Variants in PTPRG observed in about 807,000 individuals in gnomAD.
PTPRG encodes protein tyrosine phosphatase receptor type G.
In PTPRG, 102 loss-of-function variants were observed where a neutral mutation model predicts 165.3. The ratio of observed to expected loss-of-function variants is 0.62; its 90% CI spans 0.53 to 0.73. The LOEUF (loss-of-function observed/expected upper bound fraction) is 0.73. Among genes scored for constraint, PTPRG ranks in the 30% least tolerant of loss-of-function variants. The pLI is 0.00. For missense variants in PTPRG, 1,866 were observed against 1,861.4 expected (o/e 1.00, Z -0.05); for synonymous variants, 675 against 669.5 (o/e 1.01, Z -0.13).
intron 1 of PTPRG, among the ~76,000 whole-genome samples, chr3:61,714,412 A>G (rs1219959387): frequency 6.6e-6 from 1 of 152,226 alleles, no homozygotes; most frequent in South Asian, 2.1e-4. Context: ...TTCCTCCCTG[A>G]TAGCTGGAAT....
rs749817659 is a variant in PTPRG at position 61,752,785 on chromosome 3, C to CAAAAAAA, written c.190+3813_190+3819dup. Among the ~76,000 whole-genome samples, 117 of 69,908 alleles carry CAAAAAAA rather than the reference C, an allele frequency of 1.7e-3. 1 individual carries two copies. The highest frequency in any genetic ancestry group is 6.1e-3 in the South Asian group (8 of 1,302). The allele number at this position is 69,908 out of a possible 152,430, so 45.9% of individuals were successfully genotyped here. A position where few individuals can be genotyped will look rare whatever the true frequency, so the allele number is the denominator to read the frequency against. Reference sequence around the variant, plus strand: ...CCTGGGTGATAGAGCAAGACTGTCTCAAAAAAAAAAAAAAAAGAAAAAAAA... The same window carrying CAAAAAAA: ...CCTGGGTGATAGAGCAAGACTGTCTCAAAAAAAAAAAAAAAAAAAAAAAGAAAAAAAA... On this transcript the variant is annotated intron_variant, in intron 2 of 29. Transcript: ENST00000474889.
chr3:62,157,133 A>T lies in PTPRG; in HGVS notation c.749A>T (p.Tyr250Phe). 1 of 1,613,052 alleles carries T rather than the reference A, an allele frequency of 6.2e-7. No homozygotes were observed. The highest frequency in any genetic ancestry group is 2.2e-5 in the East Asian group (1 of 44,862). ...DLLPASLGSY[Y>F]RYTGSLTTPP... ...CTGCCTGCATCCCTGGGCAGCTATT[A>T]TCGGTACACAGGTTCCTTGACCACA... Residue 250 changes from tyrosine to phenylalanine, a missense_variant, in exon 7 of 30, where the codon TAT becomes TTT. Transcript: ENST00000474889.
At chr3:61,667,816 C>T (rs533577228) in intron 1 of PTPRG, among the ~76,000 whole-genome samples, 214 of 151,080 alleles carry the variant, frequency 1.4e-3, no homozygotes, top group African/African-American at 5.0e-3. Context: ...AAAAGTCAGT[C>T]TGGCTACTAG....
At chr3:61,969,316 G>A (rs1180060710) in intron 2 of PTPRG, among the ~76,000 whole-genome samples, 1 of 152,114 alleles carries the variant, frequency 6.6e-6, no homozygotes, top group Non-Finnish European at 1.5e-5. Context: ...TGTAAGGTCT[G>A]GGGTAGAGGG....
At chr3:61,728,282 TTAAAA>T (rs1172353173) in intron 1 of PTPRG, among the ~76,000 whole-genome samples, 6 of 152,258 alleles carry the variant, frequency 3.9e-5, no homozygotes, top group South Asian at 2.1e-4. Context: ...GAGTAAAGTG[TTAAAA>T]TAAAGGATTT....
intron 2 of PTPRG, among the ~76,000 whole-genome samples, chr3:61,807,246 A>T (rs2035445126): frequency 6.6e-6 from 1 of 152,226 alleles, no homozygotes; most frequent in Non-Finnish European, 1.5e-5. Flanking sequence ...AAAGATTGAT[A>T]AGAAAGGATT....
intron 1 of PTPRG, among the ~76,000 whole-genome samples, chr3:61,631,363 T>A (rs1701770837): frequency 6.6e-6 from 1 of 152,216 alleles, no homozygotes; most frequent in South Asian, 2.1e-4. Context: ...GTGAATATAG[T>A]ATGATAGTAT....
At position 62,210,972 on chromosome 3, in the gene PTPRG, C is replaced by G; in HGVS notation, c.2155+7022C>G. ...ATTTCTGACTATTCAGGGATTAGCACCCCTAATGCCTATGTTGTTGGTGGG... is the reference window on the plus strand; with the variant it reads ...ATTTCTGACTATTCAGGGATTAGCAGCCCTAATGCCTATGTTGTTGGTGGG... On this transcript the variant is annotated intron_variant, in intron 12 of 29. Coordinates refer to ENST00000474889, the MANE Select transcript of PTPRG (RefSeq NM_002841.4). This position sits in a 1 kb window ranked among gnomAD's most constrained non-coding sequence, Gnocchi z 4.1. Among the ~76,000 whole-genome samples, 1 of 152,124 alleles carries G rather than the reference C, an allele frequency of 6.6e-6. No homozygotes were observed. Among genetic ancestry groups the G allele is most frequent in the South Asian group, 2.1e-4 (1 of 4,824 alleles).
chr3:61,947,852 A>G (rs2039801242), intron 2 of PTPRG, among the ~76,000 whole-genome samples: 1 of 152,200 alleles, frequency 6.6e-6, no homozygotes, highest in Non-Finnish European at 1.5e-5. Context: ...GCCAAGTGTG[A>G]ATGTCTGCCT....
chr3:62,070,814 T>C (rs1701184236), intron 4 of PTPRG, among the ~76,000 whole-genome samples: 1 of 152,156 alleles, frequency 6.6e-6, no homozygotes, highest in African/African-American at 2.4e-5. Context: ...CACCTGTTTC[T>C]TGTCCACCAC....
intron 2 of PTPRG, among the ~76,000 whole-genome samples, chr3:61,755,302 C>T (rs568443105): frequency 2.0e-5 from 3 of 152,244 alleles, no homozygotes; most frequent in African/African-American, 7.2e-5. Context: ...GCCACTGCGC[C>T]CAGCCCTAAT....
intron 2 of PTPRG, among the ~76,000 whole-genome samples, chr3:61,934,209 G>A (rs139453345): frequency 6.6e-6 from 1 of 152,262 alleles, no homozygotes; most frequent in East Asian, 1.9e-4. Context: ...ATAGAGATGT[G>A]TATATATTTT....
chr3:61,954,171 G>A (rs746178344), intron 2 of PTPRG, among the ~76,000 whole-genome samples: 8 of 152,014 alleles, frequency 5.3e-5, no homozygotes, highest in Non-Finnish European at 1.2e-4. Context: ...CCAACTTCCC[G>A]CCTCCACCAA....
chr3:62,135,045 G>A (rs1285662545), intron 6 of PTPRG, among the ~76,000 whole-genome samples: 1 of 152,110 alleles, frequency 6.6e-6, no homozygotes, highest in Non-Finnish European at 1.5e-5. Context: ...GGCTGAGGTG[G>A]GTGAATCACT....
intron 5 of PTPRG, among the ~76,000 whole-genome samples, chr3:62,087,974 T>C (rs1191149638): frequency 6.6e-6 from 1 of 152,232 alleles, no homozygotes; most frequent in Non-Finnish European, 1.5e-5. Context: ...CTCCCTTTTA[T>C]AAAAAGGCTA....
chr3:61,641,075 T>G (rs1702046366), intron 1 of PTPRG, among the ~76,000 whole-genome samples: 1 of 152,202 alleles, frequency 6.6e-6, no homozygotes, highest in Admixed American at 6.5e-5. Context: ...GAGGCATATT[T>G]ACAGAGAATA....
intron 5 of PTPRG, among the ~76,000 whole-genome samples, chr3:62,115,339 T>TA (rs991093579): frequency 1.3e-5 from 2 of 152,210 alleles, no homozygotes; most frequent in African/African-American, 4.8e-5. Context: ...TTGGGTGATT[T>TA]AAAGAGTGTT....
chr3:61,635,324 A>G (rs960108731), intron 1 of PTPRG, among the ~76,000 whole-genome samples: 1 of 148,924 alleles, frequency 6.7e-6, no homozygotes, highest in African/African-American at 2.4e-5. Context: ...ATTACCCTAT[A>G]AAGTATTAAT....
intron 28 of PTPRG, among the ~76,000 whole-genome samples, chr3:62,285,878 C>CACTCTGGAGAT (rs1276628441): frequency 3.9e-5 from 6 of 152,156 alleles, no homozygotes; most frequent in Non-Finnish European, 8.8e-5. Context: ...CTTAATTACT[C>CACTCTGGAGAT]ACTCTGGAGA....
Sources: allele counts gnomAD v4.1 joint callset (sites outside exome capture counted in the v4.1 genomes callset), GRCh38; gene constraint gnomAD v4.1.1; non-coding constraint Gnocchi (gnomAD v3.1); transcripts MANE v1.5; gene names NCBI Gene and HGNC (gene_info 2026-07-23, HGNC 2026-07-21).